RGSL1: variants seen among roughly 807,000 people sequenced by gnomAD.
RGSL1 encodes regulator of G protein signaling protein-like.
RGSL1 carries 97 observed loss-of-function variants against 124.7 expected under a neutral mutation model. That is an observed-to-expected ratio of 0.78 (90% CI 0.66 to 0.92). The LOEUF is 0.92. Ranked by LOEUF, RGSL1 falls within the 40% of genes least tolerant of loss-of-function variation. The pLI, the probability that RGSL1 is intolerant of heterozygous loss-of-function variation, is 0.00. For missense variants in RGSL1, 1,233 were observed against 1,288.4 expected, an observed-to-expected ratio of 0.96 and a Z score of 0.66; for synonymous variants, 424 against 438.1, an observed-to-expected ratio of 0.97 and a Z score of 0.40.
chr1:182,552,924 G>T (rs1165374247), intron 18 of RGSL1, among the ~76,000 whole-genome samples: 1 of 152,128 alleles, frequency 6.6e-6, no homozygotes, highest in Non-Finnish European at 1.5e-5. Flanking sequence ...TCAAGATGGA[G>T]TTTTGCTCTT....
chr1:182,482,177 G>T (rs1654759099), intron 6 of RGSL1, among the ~76,000 whole-genome samples: 1 of 152,078 alleles, frequency 6.6e-6, no homozygotes, highest in South Asian at 2.1e-4. Context: ...ACTTGACAAA[G>T]TTCAAAATAT....
At chr1:182,452,922 C>T (rs985566822) in intron 1 of RGSL1, among the ~76,000 whole-genome samples, 1 of 152,330 alleles carries the variant, frequency 6.6e-6, no homozygotes, top group Non-Finnish European at 1.5e-5. Flanking sequence ...GCATAGTATT[C>T]GGACCCATTT....
chr1:182,454,013 T>A lies in RGSL1; in HGVS notation c.69T>A (p.Asp23Glu). 1 of 1,533,794 alleles carries A rather than the reference T, an allele frequency of 6.5e-7. No individual in the cohort carries two copies. The highest frequency in any genetic ancestry group is 8.8e-7 in the Non-Finnish European group (1 of 1,130,776). ...TGCTAGAGGATGAAGTCTTTGCCGA[T>A]TTTTTCAACACATTTCTTTCCCTCC... is the stretch of plus-strand genomic sequence containing the variant. Reference protein sequence around the residue: ...IILLEDEVFADFFNTFLSLPV... With the variant: ...IILLEDEVFAEFFNTFLSLPV... Residue 23 changes from aspartate (D) to glutamate (E), a missense_variant, in exon 2 of 22, where the codon GAT (aspartate) becomes GAA (glutamate). Asp to Glu is a conservative substitution (Grantham distance 45). Transcript: ENST00000294854.
chr1:182,549,876 T>C (rs1660452337), intron 17 of RGSL1: 1 of 152,164 alleles, frequency 6.6e-6, no homozygotes, highest in African/African-American at 2.4e-5. Flanking sequence ...TAACTCTAGT[T>C]CTCCTAGCAA....
intron 15 of RGSL1, among the ~76,000 whole-genome samples, chr1:182,545,771 A>T (rs1660173488): frequency 1.3e-5 from 2 of 152,026 alleles, no homozygotes; most frequent in African/African-American, 2.4e-5. Context: ...TATGGTTTCC[A>T]TTGAGAAGTC....
intron 15 of RGSL1, among the ~76,000 whole-genome samples, chr1:182,542,793 G>A (rs1659975780): frequency 6.6e-6 from 1 of 151,838 alleles, no homozygotes; most frequent in Non-Finnish European, 1.5e-5. Context: ...TTAATTCCTA[G>A]GTATTTTATG....
At chr1:182,536,153 G>A (rs752128418) in intron 14 of RGSL1, among the ~76,000 whole-genome samples, 8 of 151,930 alleles carry the variant, frequency 5.3e-5, no homozygotes, top group African/African-American at 1.5e-4. Context: ...TTTATTGCTG[G>A]GTAGTATTCC....
Position 182,551,065 on chromosome 1 carries a change from T to C in RGSL1, c.2934-35T>C, listed in dbSNP as rs1571717208. The C allele has an allele frequency of 2.1e-6, 3 of 1,454,484 alleles. No homozygotes were observed. In the East Asian group the frequency reaches 7.4e-5, roughly 36 times the overall value. The allele number at this position is 1,454,484 out of a possible 1,614,324, so 90.1% of individuals were successfully genotyped here. A position where few individuals can be genotyped will look rare whatever the true frequency, so the allele number is the denominator to read the frequency against. On this transcript the variant is annotated intron_variant, in intron 17 of 21. Coordinates refer to ENST00000294854, the MANE Select transcript of RGSL1 (RefSeq NM_001137669.2). ...GTGCTCCAGCCCCCTCCACTGGGGG[T>C]TCCCTCCTATGACCAGAAGCCATTC...
intron 9 of RGSL1, among the ~76,000 whole-genome samples, chr1:182,516,951 A>G (rs540816113): frequency 6.6e-6 from 1 of 152,192 alleles, no homozygotes; most frequent in South Asian, 2.1e-4. Context: ...TCATACCTTC[A>G]AATGTTTTTT....
chr1:182,478,877 G>A (rs169155), intron 6 of RGSL1, among the ~76,000 whole-genome samples: 25,984 of 152,092 alleles, frequency 0.17, 2,539 homozygotes, highest in East Asian at 0.37. Context: ...GCTCAAAAAG[G>A]CTATCAGCAG....
chr1:182,492,380 A>G (rs2102109537), intron 8 of RGSL1, among the ~76,000 whole-genome samples: 1 of 152,162 alleles, frequency 6.6e-6, no homozygotes, highest in Non-Finnish European at 1.5e-5. Context: ...TGAAGGAGTC[A>G]CCATTCATTT....
rs1239810183 is a variant in RGSL1 at position 182,454,108 on chromosome 1, G to A, written c.96+68G>A. ...TGAATAGTGAATCTCACAGAGCTGA[G>A]TGACTTTTTTTGTTTGTTTGTTGTT... is the stretch of plus-strand genomic sequence containing the variant. On this transcript the variant is annotated intron_variant, in intron 2 of 21. Coordinates refer to ENST00000294854, the MANE Select transcript of RGSL1 (RefSeq NM_001137669.2). 6 of 928,084 alleles carry A rather than the reference G, an allele frequency of 6.5e-6. No individual in the cohort carries two copies. In the East Asian group the frequency reaches 1.3e-4, roughly 20 times the overall value. The allele number at this position is 928,084 out of a possible 1,614,324, so 57.5% of individuals were successfully genotyped here.
intron 10 of RGSL1, among the ~76,000 whole-genome samples, chr1:182,524,145 A>C (rs1658562722): frequency 6.6e-6 from 1 of 152,190 alleles, no homozygotes; most frequent in African/African-American, 2.4e-5. Context: ...GAGACCAAAT[A>C]ATTAGAAAAA....
At chr1:182,527,315 GA>G (rs1176734428) in intron 10 of RGSL1, among the ~76,000 whole-genome samples, 1 of 152,038 alleles carries the variant, frequency 6.6e-6, no homozygotes, top group African/African-American at 2.4e-5. Context: ...GAATTCCCTT[GA>G]AAAAATTGTC....
chr1:182,537,735 C>A (rs989957001), intron 14 of RGSL1, among the ~76,000 whole-genome samples: 1 of 152,082 alleles, frequency 6.6e-6, no homozygotes, highest in Non-Finnish European at 1.5e-5. Flanking sequence ...TCTAGTCTCT[C>A]GGTGGAAACA....
intron 4 of RGSL1, among the ~76,000 whole-genome samples, 172 bp downstream of exon 4, chr1:182,460,305 G>A (rs1323444070): frequency 6.6e-6 from 1 of 151,976 alleles, no homozygotes; most frequent in Non-Finnish European, 1.5e-5. Context: ...CTATAGTAAG[G>A]TACAAATACT....
chr1:182,497,053 G>T (rs1007348425), intron 9 of RGSL1, among the ~76,000 whole-genome samples: 7 of 151,994 alleles, frequency 4.6e-5, no homozygotes, highest in African/African-American at 1.2e-4. Flanking sequence ...TGATAATGTG[G>T]ACTAATGTAA....
At chr1:182,501,932 C>T (rs905376467) in intron 9 of RGSL1, among the ~76,000 whole-genome samples, 1 of 152,104 alleles carries the variant, frequency 6.6e-6, no homozygotes, top group Admixed American at 6.5e-5. Context: ...CCCATTCAAA[C>T]TGTTATTTTT....
At chr1:182,530,974 T>C in intron 13 of RGSL1, 64 bp downstream of exon 13, 13 of 1,495,250 alleles carry the variant, frequency 8.7e-6, no homozygotes, top group South Asian at 1.3e-5. Context: ...TGGGGGTAGG[T>C]TTTTAAATCC....
Sources: allele counts gnomAD v4.1 joint callset (sites outside exome capture counted in the v4.1 genomes callset), GRCh38; gene constraint gnomAD v4.1.1; transcripts MANE v1.5; gene names NCBI Gene and HGNC (gene_info 2026-07-23, HGNC 2026-07-21).